The following WDR26 variants were observed in gnomAD, a reference collection of about 807,000 sequenced individuals.
WDR26 encodes WD repeat domain 26.
A neutral mutation model predicts 84.1 loss-of-function variants in WDR26; 5 were observed. That is an observed-to-expected ratio of 0.06 (90% CI 0.03 to 0.13). The LOEUF (loss-of-function observed/expected upper bound fraction) is 0.13. Ranked by LOEUF, WDR26 falls within the 10% of genes least tolerant of loss-of-function variation. The pLI is 1.00. For synonymous variants in WDR26, 415 were observed against 389.6 expected (o/e 1.07, Z -0.77); for missense variants, 642 against 974.9 (o/e 0.66, Z 4.55).
rs1673026813 is a variant in WDR26 at position 224,387,990 on chromosome 1, G to A, written c.*1845C>T. ...TTTGATTCTCTAAGTGGTGGTCTCTGCAAAATGGAGCTTGAAGAAATCTTT... is the reference window on the plus strand; with the variant it reads ...TTTGATTCTCTAAGTGGTGGTCTCTACAAAATGGAGCTTGAAGAAATCTTT... On this transcript the variant is annotated 3_prime_UTR_variant, in exon 14 of 14. Transcript: ENST00000414423. The A allele has an allele frequency of 6.6e-6, 1 of 152,582 alleles. No homozygotes were observed. The highest frequency in any genetic ancestry group is 2.1e-4 in the South Asian group (1 of 4,830). 9.5% of individuals were successfully genotyped at this position (152,582 alleles called of 1,614,324 possible).
intron 4 of WDR26, among the ~76,000 whole-genome samples, chr1:224,421,606 G>A (rs987643264): frequency 3.3e-5 from 5 of 151,942 alleles, no homozygotes; most frequent in African/African-American, 4.8e-5. Flanking sequence ...AAAGGTAATC[G>A]GAACAAGAAA....
chr1:224,387,419 TAAGA>T lies in WDR26; in HGVS notation c.*2412_*2415del, dbSNP rs1673014220. ...CCAGTATGTACAGGAAGCTGCCAGT[TAAGA>T]CAGACCCGGAAAACAAACTCACCTA... On this transcript the variant is annotated 3_prime_UTR_variant, in exon 14 of 14. Coordinates refer to ENST00000414423, the MANE Select transcript of WDR26 (RefSeq NM_001379403.1). The T allele has an allele frequency of 2.0e-5, 3 of 152,644 alleles. No individual in the cohort carries two copies. The highest frequency in any genetic ancestry group is 7.2e-5 in the African/African-American group (3 of 41,456). The allele number at this position is 152,644 out of a possible 1,614,324, so 9.5% of individuals were successfully genotyped here.
At chr1:224,400,825 T>G (rs1330658286) in intron 9 of WDR26, 125 bp downstream of exon 9, 1 of 1,341,562 alleles carries the variant, frequency 7.5e-7, no homozygotes, top group Non-Finnish European at 9.9e-7. Flanking sequence ...GGATTACAGG[T>G]GTGAGCCACC....
intron 12 of WDR26, 24 bp from the exon 13 acceptor site, chr1:224,394,037 A>G (rs779731112): frequency 6.4e-6 from 9 of 1,410,822 alleles, no homozygotes; most frequent in African/African-American, 1.4e-5. Flanking sequence ...AATTCAGAAA[A>G]AAGTTTTACA....
At chr1:224,398,448 A>C in intron 11 of WDR26, 67 bp downstream of exon 11, 3 of 1,409,022 alleles carry the variant, frequency 2.1e-6, no homozygotes, top group Non-Finnish European at 2.9e-6. Flanking sequence ...AAATACACTG[A>C]AAATAACAGT....
chr1:224,424,334 A>G (rs1674151413), intron 4 of WDR26, among the ~76,000 whole-genome samples, 184 bp downstream of exon 4: 1 of 152,236 alleles, frequency 6.6e-6, no homozygotes, highest in African/African-American at 2.4e-5. Flanking sequence ...ACTTAAATAT[A>G]TCTCTATCCT....
At chr1:224,410,792 G>A (rs973651582) in intron 7 of WDR26, among the ~76,000 whole-genome samples, 2 of 145,228 alleles carry the variant, frequency 1.4e-5, no homozygotes, top group Admixed American at 7.1e-5. Flanking sequence ...TCCACCTCCC[G>A]GGCTCAAGTG....
At chr1:224,394,824 T>A (rs748024245) in intron 12 of WDR26, among the ~76,000 whole-genome samples, 5 of 152,126 alleles carry the variant, frequency 3.3e-5, no homozygotes, top group Non-Finnish European at 5.9e-5. Context: ...GATTGAAACA[T>A]AGGTTATGGT....
intron 4 of WDR26, among the ~76,000 whole-genome samples, chr1:224,422,204 T>C (rs1292780416): frequency 6.6e-6 from 1 of 152,076 alleles, no homozygotes; most frequent in African/African-American, 2.4e-5. Context: ...GCAGTGCAAA[T>C]GCCTTAAGGG....
At chr1:224,418,825 T>G (rs927391153) in intron 5 of WDR26, among the ~76,000 whole-genome samples, 2 of 152,226 alleles carry the variant, frequency 1.3e-5, no homozygotes, top group African/African-American at 4.8e-5. Context: ...AAGTTCTAGT[T>G]CCCATCAAAC....
At chr1:224,402,956 G>A (rs780609325) in intron 8 of WDR26, among the ~76,000 whole-genome samples, 30 of 151,952 alleles carry the variant, frequency 2.0e-4, no homozygotes, top group Non-Finnish European at 3.7e-4. Context: ...TAGGTAGAAC[G>A]TTATTTTTTA....
At chr1:224,418,571 G>A (rs1673972259) in intron 5 of WDR26, among the ~76,000 whole-genome samples, 155 bp from the exon 6 acceptor site, 1 of 152,152 alleles carries the variant, frequency 6.6e-6, no homozygotes, top group South Asian at 2.1e-4. Flanking sequence ...TGAGCTTTAC[G>A]AATATTTGTC....
intron 7 of WDR26, among the ~76,000 whole-genome samples, chr1:224,409,665 A>C (rs1474063221): frequency 2.0e-5 from 3 of 152,016 alleles, no homozygotes; most frequent in Admixed American, 2.0e-4. Flanking sequence ...ATATGATACC[A>C]GCCTGGCCAA....
At chr1:224,405,068 C>T (rs1253980330) in intron 7 of WDR26, among the ~76,000 whole-genome samples, 1 of 152,086 alleles carries the variant, frequency 6.6e-6, no homozygotes, top group Non-Finnish European at 1.5e-5. Flanking sequence ...AAGAAACCTC[C>T]TACCCATCAG....
chr1:224,407,400 T>A (rs1029176329), intron 7 of WDR26, among the ~76,000 whole-genome samples: 7 of 148,762 alleles, frequency 4.7e-5, no homozygotes, highest in African/African-American at 1.5e-4. Flanking sequence ...AAAGTAGGCA[T>A]TGGAATCACA....
intron 7 of WDR26, among the ~76,000 whole-genome samples, chr1:224,409,176 T>C (rs1184956134): frequency 2.6e-5 from 4 of 152,236 alleles, no homozygotes; most frequent in Non-Finnish European, 5.9e-5. Context: ...TTGTTGCAGA[T>C]ACTTTGAAAT....
At chr1:224,405,637 T>G (rs1673529186) in intron 7 of WDR26, among the ~76,000 whole-genome samples, 1 of 152,194 alleles carries the variant, frequency 6.6e-6, no homozygotes, top group African/African-American at 2.4e-5. Context: ...TCTCATATTA[T>G]AGGGAAAGAA....
Position 224,411,416 on chromosome 1 carries a change from G to T in WDR26, c.1458+11C>A, listed in dbSNP as rs1216669936. 2 of 1,597,910 alleles carry T rather than the reference G, an allele frequency of 1.3e-6. No homozygotes were observed. The highest frequency in any genetic ancestry group is 1.7e-6 in the Non-Finnish European group (2 of 1,174,476). On this transcript the variant is annotated intron_variant, in intron 7 of 13. Transcript: ENST00000414423. ...CTTTTGTAATATAAACACTCATATT[G>T]GGGTACATACCGGATCAACTTGCCA... is the stretch of plus-strand genomic sequence containing the variant.
chr1:224,412,063 C>T (rs537200467), intron 6 of WDR26, among the ~76,000 whole-genome samples: 7 of 152,276 alleles, frequency 4.6e-5, no homozygotes, highest in Non-Finnish European at 8.8e-5. Context: ...AGGTCCTTCT[C>T]ACTCACAAGC....
Sources: allele counts gnomAD v4.1 joint callset (sites outside exome capture counted in the v4.1 genomes callset), GRCh38; gene constraint gnomAD v4.1.1; transcripts MANE v1.5; gene names NCBI Gene and HGNC (gene_info 2026-07-23, HGNC 2026-07-21).